The following PRDM2 variants were observed in gnomAD, a reference collection of about 807,000 sequenced individuals.
The protein encoded by PRDM2 is PR domain zinc finger protein 2.
Under a neutral mutation model 130.0 loss-of-function variants are expected in PRDM2, and 30 were observed. That is an observed-to-expected ratio of 0.23 (90% confidence interval 0.17 to 0.31). PRDM2 has a LOEUF of 0.31. Among genes scored for constraint, PRDM2 ranks in the 10% least tolerant of loss-of-function variants. The pLI is 1.00. For synonymous variants in PRDM2, 871 were observed against 782.4 expected, an observed-to-expected ratio of 1.11 and a Z score of -1.89; for missense variants, 2,011 against 2,108.4, an observed-to-expected ratio of 0.95 and a Z score of 0.90.
At chr1:13,756,841 C>T (rs1405717212) in intron 6 of PRDM2, among the ~76,000 whole-genome samples, 4 of 152,148 alleles carry the variant, frequency 2.6e-5, no homozygotes, top group African/African-American at 7.2e-5. Flanking sequence ...CATAGCTAAT[C>T]CTCCCAATAA....
intron 2 of PRDM2, among the ~76,000 whole-genome samples, chr1:13,719,903 T>C (rs1475408402): frequency 6.6e-6 from 1 of 152,180 alleles, no homozygotes; most frequent in African/African-American, 2.4e-5. Context: ...CTAAGCTGTT[T>C]TTTGCTTGTA....
At chr1:13,819,627 A>T (rs569677486) in intron 9 of PRDM2, among the ~76,000 whole-genome samples, 32 of 152,298 alleles carry the variant, frequency 2.1e-4, no homozygotes, top group Admixed American at 7.8e-4. Context: ...ACAAAATACC[A>T]CTGACTGTGT....
At position 13,782,751 on chromosome 1, in the gene PRDM2, C is replaced by T. The variant is rs1177630479; in HGVS notation, c.4956C>T (p.Ser1652=). The T allele has an allele frequency of 6.2e-7, 1 of 1,612,710 alleles. No homozygotes were observed. Among genetic ancestry groups the T allele is most frequent in the South Asian group, 1.1e-5 (1 of 90,892 alleles). ...RERSGGPVTR[S]LQLAAAADLS... ...GGAGTGGGGGGCCAGTCACCCGGAG[C>T]CTTCAGCTGGCAGCTGCTGCTGACT... Residue 1652 remains serine, a synonymous_variant, in exon 8 of 10, where the codon AGC becomes AGT. Coordinates refer to ENST00000311066, the MANE Select transcript of PRDM2 (RefSeq NM_001393986.1).
intron 8 of PRDM2, among the ~76,000 whole-genome samples, chr1:13,800,375 G>A (rs1644987815): frequency 1.3e-5 from 2 of 152,238 alleles, no homozygotes; most frequent in Non-Finnish European, 2.9e-5. Flanking sequence ...GGCTCAGGAG[G>A]GGGCATCCCG....
chr1:13,786,961 T>C, intron 8 of PRDM2: 1 of 991,098 alleles, frequency 1.0e-6, no homozygotes, highest in African/African-American at 1.7e-5. Flanking sequence ...ATTTAAAACG[T>C]TTTGGTCACA....
chr1:13,735,840 G>GA (rs899718155), intron 4 of PRDM2, among the ~76,000 whole-genome samples: 1 of 152,102 alleles, frequency 6.6e-6, no homozygotes, highest in African/African-American at 2.4e-5. Context: ...AAACAACACA[G>GA]AAAAATATAT....
chr1:13,777,775 TTTC>T (rs1207179381), intron 7 of PRDM2, among the ~76,000 whole-genome samples: 1 of 151,030 alleles, frequency 6.6e-6, no homozygotes, highest in African/African-American at 2.4e-5. Flanking sequence ...TGACTGCAGA[TTTC>T]TGTTCCCTTC....
At chr1:13,809,096 G>C (rs960253156) in intron 8 of PRDM2, among the ~76,000 whole-genome samples, 1 of 152,246 alleles carries the variant, frequency 6.6e-6, no homozygotes, top group African/African-American at 2.4e-5. Context: ...GGTCTACCCA[G>C]ATTAGCTGGA....
chr1:13,786,619 A>C (rs1644746934), intron 8 of PRDM2: 2 of 1,585,090 alleles, frequency 1.3e-6, no homozygotes, highest in South Asian at 1.1e-5. Context: ...TACGAAATCT[A>C]CCAAGCTTGC....
At chr1:13,707,021 G>T (rs538070132) in intron 1 of PRDM2, among the ~76,000 whole-genome samples, 2 of 151,578 alleles carry the variant, frequency 1.3e-5, no homozygotes, top group East Asian at 1.9e-4. Context: ...ATAGAATCTT[G>T]TAGTAATATA....
intron 1 of PRDM2, among the ~76,000 whole-genome samples, chr1:13,714,251 G>A (rs560857127): frequency 8.5e-5 from 13 of 152,114 alleles, no homozygotes; most frequent in South Asian, 2.1e-4. Context: ...TGTTTACTAA[G>A]GCAGGACATG....
intron 6 of PRDM2, among the ~76,000 whole-genome samples, chr1:13,758,503 C>T (rs1029316245): frequency 6.6e-6 from 1 of 151,100 alleles, no homozygotes; most frequent in Non-Finnish European, 1.5e-5. Context: ...CCCAAACATA[C>T]TGTAGGCAAG....
At chr1:13,796,496 C>T (rs917302522) in intron 8 of PRDM2, among the ~76,000 whole-genome samples, 2 of 152,200 alleles carry the variant, frequency 1.3e-5, no homozygotes, top group African/African-American at 4.8e-5. Context: ...TGGCTCACAC[C>T]TGTAATCCCA....
chr1:13,801,407 CCTCTT>C lies in PRDM2; in HGVS notation c.5037-15017_5037-15013del, dbSNP rs142918897. Among the ~76,000 whole-genome samples, 1,024 of 152,292 alleles carry C rather than the reference CCTCTT, an allele frequency of 6.7e-3. 18 individuals carry two copies. Among genetic ancestry groups the C allele is most frequent in the East Asian group, 0.024 (125 of 5,170 alleles). On this transcript the variant is annotated intron_variant, in intron 8 of 9. Coordinates refer to ENST00000311066, the MANE Select transcript of PRDM2 (RefSeq NM_001393986.1). ...GTTTGGGGTAGATGACAACCTGTCTCCTCTTCTTAGGAATTTACACTGCCTGTCAG... is the reference window on the plus strand; with the variant it reads ...GTTTGGGGTAGATGACAACCTGTCTCCTTAGGAATTTACACTGCCTGTCAG...
chr1:13,746,565 TTTA>T (rs1349758720), intron 5 of PRDM2, among the ~76,000 whole-genome samples: 2 of 137,554 alleles, frequency 1.5e-5, no homozygotes, highest in African/African-American at 5.2e-5. Flanking sequence ...TATTTATTTA[TTTA>T]TTTTTTAAGA....
Position 13,821,990 on chromosome 1 carries a change from T to C in PRDM2, c.*24-1169T>C, listed in dbSNP as rs185694759. On this transcript the variant is annotated intron_variant, in intron 9 of 9. Coordinates refer to ENST00000311066, the MANE Select transcript of PRDM2 (RefSeq NM_001393986.1). The stretch of plus-strand genomic sequence containing the variant: ...TTTCTCCTCTCTGAGCCTCCATTTC[T>C]TTCATATAGAATGGGGATCTGTGTT... Among the ~76,000 whole-genome samples the C allele has an allele frequency of 1.1e-4, 16 of 152,348 alleles. No individual in the cohort carries two copies. The East Asian group carries it at 3.1e-3, about 29-fold the overall frequency.
At chr1:13,721,133 G>T (rs1411948316) in intron 2 of PRDM2, among the ~76,000 whole-genome samples, 1 of 152,080 alleles carries the variant, frequency 6.6e-6, no homozygotes, top group Non-Finnish European at 1.5e-5. Context: ...TTTGCTGTTT[G>T]TCTCATTTTG....
At chr1:13,792,940 C>T (rs1644864420) in intron 8 of PRDM2, among the ~76,000 whole-genome samples, 1 of 152,236 alleles carries the variant, frequency 6.6e-6, no homozygotes, top group South Asian at 2.1e-4. Context: ...GACCCCAAAC[C>T]CAGCCATCTG....
intron 1 of PRDM2, among the ~76,000 whole-genome samples, chr1:13,706,725 G>C (rs1642221860): frequency 6.6e-6 from 1 of 151,810 alleles, no homozygotes; most frequent in Non-Finnish European, 1.5e-5. Flanking sequence ...TAAATGGTTA[G>C]GCATTTCTCT....
Sources: gnomAD v4.1 joint callset for allele counts (sites outside exome capture counted in the v4.1 genomes callset) on GRCh38, gnomAD v4.1.1 for gene constraint, MANE v1.5 for transcripts, NCBI Gene and HGNC (gene_info 2026-07-23, HGNC 2026-07-21) for gene names.